ANKFY1: variants seen among roughly 807,000 people sequenced by gnomAD.
The protein encoded by ANKFY1 is ankyrin repeat and FYVE domain containing 1.
A neutral mutation model predicts 128.3 loss-of-function variants in ANKFY1; 47 were observed. That is an observed-to-expected ratio of 0.37 (90% CI 0.29 to 0.47). The LOEUF (loss-of-function observed/expected upper bound fraction) is 0.47. Among genes scored for constraint, ANKFY1 ranks in the 20% least tolerant of loss-of-function variants. The pLI is 1.00. For synonymous variants in ANKFY1, 553 were observed against 601.6 expected (o/e 0.92, Z 1.18); for missense variants, 1,222 against 1,510.6 (o/e 0.81, Z 3.17).
intron 1 of ANKFY1, among the ~76,000 whole-genome samples, chr17:4,259,577 C>T (rs1199467673): frequency 3.3e-5 from 5 of 152,160 alleles, no homozygotes; most frequent in African/African-American, 7.2e-5. Context: ...CCACCGTGCC[C>T]GGCCTTAAAC....
chr17:4,176,468 C>T (rs557356524), intron 19 of ANKFY1, among the ~76,000 whole-genome samples: 8 of 152,352 alleles, frequency 5.3e-5, no homozygotes, highest in Non-Finnish European at 7.3e-5. Context: ...CTAAAAGATA[C>T]TGGCTGCTCA....
chr17:4,201,518 T>C (rs80063675), intron 7 of ANKFY1, among the ~76,000 whole-genome samples: 1 of 147,388 alleles, frequency 6.8e-6, no homozygotes, highest in East Asian at 2.0e-4. Flanking sequence ...TCACACTGTC[T>C]TATACAAAAC....
At chr17:4,177,629 A>G (rs2059432471) in intron 18 of ANKFY1, among the ~76,000 whole-genome samples, 1 of 152,222 alleles carries the variant, frequency 6.6e-6, no homozygotes, top group Non-Finnish European at 1.5e-5. Context: ...GCAAGCACCA[A>G]GATATCAGGA....
At chr17:4,183,285 C>G in intron 14 of ANKFY1, 113 bp downstream of exon 14, 1 of 1,296,810 alleles carries the variant, frequency 7.7e-7, no homozygotes, top group Non-Finnish European at 1.1e-6. Context: ...GCTACTGTTT[C>G]CTTTCCTCTA....
chr17:4,213,948 C>G (rs2060179694), intron 4 of ANKFY1, among the ~76,000 whole-genome samples: 1 of 152,126 alleles, frequency 6.6e-6, no homozygotes, highest in Non-Finnish European at 1.5e-5. Flanking sequence ...ACAGCAATGT[C>G]TGACAAAGTC....
At chr17:4,238,216 T>A (rs1353630936) in intron 2 of ANKFY1, among the ~76,000 whole-genome samples, 1 of 151,488 alleles carries the variant, frequency 6.6e-6, no homozygotes, top group Non-Finnish European at 1.5e-5. Context: ...TTAAAAAATT[T>A]TAAAACCTAC....
At chr17:4,208,172 G>C (rs1235692783) in intron 5 of ANKFY1, 90 bp from the exon 6 acceptor site, 3 of 1,331,612 alleles carry the variant, frequency 2.3e-6, no homozygotes, top group Non-Finnish European at 3.0e-6. Flanking sequence ...GCATCAGTCA[G>C]GCCCTTCTTT....
chr17:4,206,187 T>C, intron 7 of ANKFY1, 134 bp downstream of exon 7: 1 of 969,440 alleles, frequency 1.0e-6, no homozygotes, highest in Non-Finnish European at 1.5e-6. Context: ...AATGATCAAA[T>C]TCTAGATCAT....
At chr17:4,201,988 A>G (rs2059935904) in intron 7 of ANKFY1, among the ~76,000 whole-genome samples, 1 of 152,270 alleles carries the variant, frequency 6.6e-6, no homozygotes, top group Admixed American at 6.5e-5. Context: ...AGTAGAAAGA[A>G]ACTTTAGAAT....
rs2059222973 is a variant in ANKFY1 at position 4,167,007 on chromosome 17, T to G, written c.*772A>C. 6.6e-6 allele frequency: 1 copy of G among 152,580 alleles called. No homozygotes were observed. The highest frequency in any genetic ancestry group is 2.1e-4 in the South Asian group (1 of 4,824). The allele number at this position is 152,580 out of a possible 1,614,324, so 9.5% of individuals were successfully genotyped here. A position where few individuals can be genotyped will look rare whatever the true frequency, so the allele number is the denominator to read the frequency against. ...AAGTGCAGCACAGTAAAAGTGCATTTCCTCCAGCACTCTCCAACAGCAGAG... is the reference window on the plus strand; with the variant it reads ...AAGTGCAGCACAGTAAAAGTGCATTGCCTCCAGCACTCTCCAACAGCAGAG... On this transcript the variant is annotated 3_prime_UTR_variant, in exon 25 of 25. Transcript: ENST00000341657. This position sits in a 1 kb window ranked among gnomAD's most constrained non-coding sequence, Gnocchi z 4.1.
Position 4,183,543 on chromosome 17 carries a change from T to C in ANKFY1, c.1807A>G (p.Thr603Ala), listed in dbSNP as rs763252774. The change falls in exon 14 of 25, where the codon ACG (threonine) becomes GCG (alanine). Residue 603 changes from threonine (T) to alanine (A), a missense_variant. Physicochemically the swap from Thr to Ala is moderately conservative, Grantham distance 58 (BLOSUM62 0). Transcript: ENST00000341657. ...GAGCCCAGCAGCTGGGCTGCGATCG[T>C]GTGCATGCCTGGGAAACAAGCCCCG... ...LGLALWTGMH[T>A]IAAQLLGSGA... The C allele has an allele frequency of 9.9e-6, 16 of 1,612,038 alleles. No homozygotes were observed. In the East Asian group the frequency reaches 3.6e-4, roughly 36 times the overall value.
chr17:4,250,392 G>A (rs1475505711), intron 1 of ANKFY1, among the ~76,000 whole-genome samples: 1 of 152,172 alleles, frequency 6.6e-6, no homozygotes, highest in Non-Finnish European at 1.5e-5. Flanking sequence ...TACGGGCTAT[G>A]ATAATGCATT....
At chr17:4,223,177 T>C in intron 3 of ANKFY1, 1 of 802,650 alleles carries the variant, frequency 1.2e-6, no homozygotes, top group Non-Finnish European at 2.2e-6. Context: ...CTGAAAGTCG[T>C]AAGCTGCAAA....
chr17:4,240,927 C>T (rs549916862), intron 2 of ANKFY1, among the ~76,000 whole-genome samples: 22 of 152,350 alleles, frequency 1.4e-4, no homozygotes, highest in Admixed American at 3.3e-4. Context: ...TTCTCAGTTA[C>T]TGCCCTTACT....
chr17:4,211,068 A>T (rs929082187), intron 4 of ANKFY1, among the ~76,000 whole-genome samples: 2 of 151,990 alleles, frequency 1.3e-5, no homozygotes, highest in African/African-American at 2.4e-5. Flanking sequence ...AAAAAAGAAA[A>T]AAGAAAAAAC....
At chr17:4,187,056 A>G in intron 11 of ANKFY1, 2 of 1,215,294 alleles carry the variant, frequency 1.6e-6, no homozygotes, top group Non-Finnish European at 2.1e-6. Flanking sequence ...GGTTCCACGG[A>G]TAAGTTCTTC....
At position 4,189,301 on chromosome 17, in the gene ANKFY1, T is replaced by A. The variant is rs527974634; in HGVS notation, c.1470+81A>T. The A allele has an allele frequency of 4.5e-5, 55 of 1,212,162 alleles. No homozygotes were observed. In the African/African-American group the frequency reaches 7.3e-4, roughly 16 times the overall value. 75.1% of individuals were successfully genotyped at this position (1,212,162 alleles called of 1,614,324 possible). On this transcript the variant is annotated intron_variant, in intron 11 of 24. Transcript: ENST00000341657. ...TTAAAAACTGAAAAAAACCACCTAT[T>A]CCCCTTTTTCCTACATATCCACCAC... is the stretch of plus-strand genomic sequence containing the variant.
intron 4 of ANKFY1, among the ~76,000 whole-genome samples, chr17:4,211,556 ACT>A (rs2060131235): frequency 6.6e-6 from 1 of 151,822 alleles, no homozygotes; most frequent in African/African-American, 2.4e-5. Flanking sequence ...TAAAAACAAG[ACT>A]CTTTCAGAAT....
intron 1 of ANKFY1, among the ~76,000 whole-genome samples, chr17:4,260,958 A>G (rs902307512): frequency 1.8e-4 from 27 of 152,210 alleles, no homozygotes; most frequent in African/African-American, 6.5e-4. Context: ...ATTTATTTAT[A>G]TTTAAATAAC....
Sources: gnomAD v4.1 joint callset for allele counts (sites outside exome capture counted in the v4.1 genomes callset) on GRCh38, gnomAD v4.1.1 for gene constraint, Gnocchi (gnomAD v3.1) non-coding constraint, MANE v1.5 for transcripts, NCBI Gene and HGNC (gene_info 2026-07-23, HGNC 2026-07-21) for gene names.